Variants in GP6 observed in about 807,000 individuals in gnomAD.
The protein encoded by GP6 is platelet glycoprotein VI.
GP6 carries 45 observed loss-of-function variants against 37.3 expected under a neutral mutation model. That is an observed-to-expected ratio of 1.21 (90% CI 0.95 to 1.55). The LOEUF (loss-of-function observed/expected upper bound fraction) is 1.55, where lower values mean the gene tolerates loss of function less well. GP6 is among the 40% of genes most tolerant of loss of function. GP6 has a pLI of 0.00. For synonymous variants in GP6, 340 were observed against 316.4 expected (o/e 1.07, Z -0.79); for missense variants, 813 against 760.2 (o/e 1.07, Z -0.82).
In GP6 at chr19:55,014,462, T is replaced by C. The variant is rs763379117; in HGVS notation, c.1483A>G (p.Ile495Val). ...AGATTTGTTAGACCGCAGTGGGAGA[T>C]GGAGTGAGGGTGAGAGTTTCTGGGG... The change falls in exon 8 of 8, where the codon ATC becomes GTC. Residue 495 changes from isoleucine (I) to valine (V), a missense_variant. By Grantham distance (29) the Ile-to-Val change is conservative. Transcript: ENST00000310373. 5 of 1,613,542 alleles carry C rather than the reference T, an allele frequency of 3.1e-6. No homozygotes were observed. Among genetic ancestry groups the C allele is most frequent in the African/African-American group, 2.7e-5 (2 of 74,896 alleles).
At chr19:55,019,678 CTTTTTT>C (rs770367312) in intron 5 of GP6, among the ~76,000 whole-genome samples, 2 of 126,754 alleles carry the variant, frequency 1.6e-5, no homozygotes, top group South Asian at 2.5e-4. Flanking sequence ...TTCTTTTTTT[CTTTTTT>C]TTTTTTTTTT....
rs1445803058 is a variant in GP6 at position 55,022,771 on chromosome 19, A to G, written c.664+2447T>C. 2.0e-5 allele frequency among the ~76,000 whole-genome samples: 3 copies of G among 152,224 alleles called. 1 individual carries two copies. The highest frequency in any genetic ancestry group is 7.2e-5 in the African/African-American group (3 of 41,470). On this transcript the variant is annotated intron_variant, in intron 5 of 7. Transcript: ENST00000310373. ...ACTCCCATTCACAATTGCTACAAAG[A>G]GAATAAAATACCTAGGAATACAGCT... is the stretch of plus-strand genomic sequence containing the variant.
chr19:55,026,513 T>C (rs1401580877), intron 4 of GP6, among the ~76,000 whole-genome samples: 1 of 152,220 alleles, frequency 6.6e-6, no homozygotes, highest in Non-Finnish European at 1.5e-5. Context: ...TTTCCTTCTT[T>C]TTTAAGGCTG....
At position 55,032,319 on chromosome 19, in the gene GP6, G is replaced by C. The variant is rs1409080624; in HGVS notation, c.145C>G (p.Gln49Glu). The C allele has an allele frequency of 6.2e-7, 1 of 1,614,100 alleles. No homozygotes were observed. Among genetic ancestry groups the C allele is most frequent in the African/African-American group, 1.3e-5 (1 of 75,060 alleles). ...TACAGGTCCACGCCCGGAGGTCCCT[G>C]GCACCGGAGGGTCACTGGCTTCTCC... The change falls in exon 3 of 8, where the codon CAG (glutamine) becomes GAG (glutamate). Residue 49 changes from glutamine to glutamate, a missense_variant. Physicochemically the swap from Gln to Glu is conservative, Grantham distance 29. Coordinates refer to ENST00000310373, the MANE Select transcript of GP6 (RefSeq NM_001083899.2).
intron 1 of GP6, among the ~76,000 whole-genome samples, chr19:55,033,361 G>A (rs564999440): frequency 1.0e-5 from 1 of 96,752 alleles, no homozygotes; most frequent in African/African-American, 4.0e-5. Flanking sequence ...GGGCTCGTTC[G>A]TGTTGTGTTA....
chr19:55,015,874 A>G, intron 6 of GP6, 141 bp from the exon 7 acceptor site: 1 of 704,448 alleles, frequency 1.4e-6, no homozygotes, highest in East Asian at 2.6e-5. Context: ...ACGGTGCCTC[A>G]TGCCTATAAT....
chr19:55,015,940 C>A lies in GP6; in HGVS notation c.725-207G>T, dbSNP rs192887517. ...CTGGCTTGAGTCCAGGAGTTCAAGA[C>A]CAACCTGAGCAACATAGAAAAACCC... On this transcript the variant is annotated intron_variant, in intron 6 of 7. Coordinates refer to ENST00000310373, the MANE Select transcript of GP6 (RefSeq NM_001083899.2). Among the ~76,000 whole-genome samples the A allele has an allele frequency of 2.0e-4, 31 of 152,140 alleles. No homozygotes were observed. The East Asian group carries it at 5.8e-3, about 28-fold the overall frequency.
chr19:55,034,036 T>C (rs1215982530), intron 1 of GP6, among the ~76,000 whole-genome samples: 1 of 152,066 alleles, frequency 6.6e-6, no homozygotes, highest in East Asian at 1.9e-4. Context: ...TTACTATATG[T>C]ATATACACAT....
chr19:55,035,801 A>G (rs1388953348), intron 1 of GP6, among the ~76,000 whole-genome samples: 1 of 152,142 alleles, frequency 6.6e-6, no homozygotes, highest in Non-Finnish European at 1.5e-5. Context: ...TTGGCCAGGC[A>G]CAGTGGCTCA....
intron 1 of GP6, among the ~76,000 whole-genome samples, chr19:55,034,955 C>T (rs1269868959): frequency 1.3e-5 from 2 of 152,284 alleles, no homozygotes; most frequent in South Asian, 2.1e-4. Flanking sequence ...AAGCTCCGGC[C>T]GCTTCTCTGT....
chr19:55,034,042 C>T (rs1433067909), intron 1 of GP6, among the ~76,000 whole-genome samples: 5 of 151,848 alleles, frequency 3.3e-5, no homozygotes, highest in Non-Finnish European at 7.4e-5. Flanking sequence ...TATGTATATA[C>T]ACATATAGTG....
intron 2 of GP6, 50 bp downstream of exon 2, chr19:55,032,455 TC>T: frequency 6.2e-7 from 1 of 1,613,178 alleles, no homozygotes; most frequent in Non-Finnish European, 8.5e-7. Flanking sequence ...ACCCCGCTGC[TC>T]CCGCGCTGGC....
rs774514319 is a variant in GP6 at position 55,032,387 on chromosome 19, G to A, written c.77C>T (p.Pro26Leu). 5.6e-5 allele frequency: 90 copies of A among 1,612,992 alleles called. No homozygotes were observed. The highest frequency in any genetic ancestry group is 7.5e-5 in the Non-Finnish European group (89 of 1,179,534). Residue 26 changes from proline to leucine, a missense_variant, in exon 3 of 8, where the codon CCC (proline) becomes CTC (leucine). Transcript: ENST00000310373. ...GGGCAGAGCCTGGAGGGAGGGCTTG[G>A]GGAGCGGTCCTGGAAGAGGAGCAGG...
At position 55,014,279 on chromosome 19, in the gene GP6, T is replaced by C. The variant is rs1333889456; in HGVS notation, c.1666A>G (p.Thr556Ala). Residue 556 changes from threonine to alanine, a missense_variant, in exon 8 of 8, where the codon ACA becomes GCA. Transcript: ENST00000310373. ...CCACCACACCTGGCTAATTTTTGTG[T>C]TTTTTTGTTTTGTTGGTAGAGATGA... The C allele has an allele frequency of 7.4e-7, 1 of 1,349,780 alleles. No individual in the cohort carries two copies. The highest frequency in any genetic ancestry group is 1.1e-6 in the Non-Finnish European group (1 of 945,818). 83.6% of individuals were successfully genotyped at this position (1,349,780 alleles called of 1,614,324 possible). A position where few individuals can be genotyped will look rare whatever the true frequency, so the allele number is the denominator to read the frequency against.
At chr19:55,031,158 T>A (rs2074546839) in intron 3 of GP6, among the ~76,000 whole-genome samples, 1 of 152,250 alleles carries the variant, frequency 6.6e-6, no homozygotes, top group Non-Finnish European at 1.5e-5. Flanking sequence ...CTACGTTTAT[T>A]TTTTGGTTGT....
chr19:55,032,507 ACT>A lies in GP6; in HGVS notation c.64_65del (p.Ser22TrpfsTer119), dbSNP rs1436172129. ...GAAGGGGTCTGGGGAAGGACTCACCACTCTGCGCTGGCACACGCCCCAGACAC... is the reference window on the plus strand; with the variant it reads ...GAAGGGGTCTGGGGAAGGACTCACCACTGCGCTGGCACACGCCCCAGACAC... On this transcript the variant is annotated frameshift_variant and splice_region_variant, in exon 2 of 8. Transcript: ENST00000310373. LOFTEE classifies it high-confidence loss of function. 18 of 1,613,644 alleles carry A rather than the reference ACT, an allele frequency of 1.1e-5. No homozygotes were observed. The highest frequency in any genetic ancestry group is 1.4e-5 in the Non-Finnish European group (17 of 1,179,968).
rs1179101360 is a variant in GP6 at position 55,037,623 on chromosome 19, C to CTTTTTT, written c.34+574_34+579dup. On this transcript the variant is annotated intron_variant, in intron 1 of 7. Transcript: ENST00000310373. ...AAGTGTGTAAGCCATGGCACTCAGC[C>CTTTTTT]TTTTTTTTTTTTTTTTTTTTTTTTT... Among the ~76,000 whole-genome samples the CTTTTTT allele has an allele frequency of 3.8e-4, 19 of 50,452 alleles. 1 individual carries two copies. The highest frequency in any genetic ancestry group is 1.4e-3 in the African/African-American group (18 of 12,734). 33.1% of individuals were successfully genotyped at this position (50,452 alleles called of 152,430 possible).
chr19:55,029,362 ATATATATATATATTTTTTTTTTTTTTT>A (rs2074466729), intron 3 of GP6, among the ~76,000 whole-genome samples: 2 of 2,528 alleles, frequency 7.9e-4, no homozygotes, highest in Admixed American at 8.5e-3. Flanking sequence ...ATATATATAT[ATATATATATATATTTTTTTTTTTTTTT>A]TTTTTTTTTT....
At position 55,014,617 on chromosome 19, in the gene GP6, G is replaced by A. The variant is rs1219942893; in HGVS notation, c.1328C>T (p.Ser443Phe). 7 of 1,614,120 alleles carry A rather than the reference G, an allele frequency of 4.3e-6. No individual in the cohort carries two copies. In the Admixed American group the frequency reaches 5.0e-5, roughly 12 times the overall value. Residue 443 changes from serine to phenylalanine, a missense_variant, in exon 8 of 8, where the codon TCT (serine) becomes TTT (phenylalanine). By Grantham distance (155) the Ser-to-Phe change is radical. Coordinates refer to ENST00000310373, the MANE Select transcript of GP6 (RefSeq NM_001083899.2). Reference sequence around the variant, plus strand: ...TGGAGCCCATATTAGAGAGGTTGAAGAAAGAGGCCAGTATGTGGTCCAGCC... The same window carrying A: ...TGGAGCCCATATTAGAGAGGTTGAAAAAAGAGGCCAGTATGTGGTCCAGCC...
Sources: gnomAD v4.1 joint callset for allele counts (sites outside exome capture counted in the v4.1 genomes callset) on GRCh38, gnomAD v4.1.1 for gene constraint, MANE v1.5 for transcripts, NCBI Gene and HGNC (gene_info 2026-07-23, HGNC 2026-07-21) for gene names.